The following FIG4 variants were observed in gnomAD, a reference collection of about 807,000 sequenced individuals.
FIG4 encodes the protein FIG4 phosphoinositide 5-phosphatase.
FIG4 carries 112 observed loss-of-function variants against 118.6 expected under a neutral mutation model. The ratio of observed to expected loss-of-function variants is 0.94; its 90% CI spans 0.81 to 1.11. FIG4 has a LOEUF of 1.11. Ranked by LOEUF, FIG4 falls within the 50% of genes least tolerant of loss-of-function variation. FIG4 has a pLI of 0.00. For missense variants in FIG4, 969 were observed against 1,111.7 expected (o/e 0.87, Z 1.83); for synonymous variants, 369 against 381.2 (o/e 0.97, Z 0.37).
chr6:109,822,827 A>ATATC, intron 22 of FIG4, among the ~76,000 whole-genome samples: 1 of 123,458 alleles, frequency 8.1e-6, no homozygotes, highest in Non-Finnish European at 1.7e-5. Context: ...ATATATATAT[A>ATATC]TCGCTTTCTT....
chr6:109,778,591 T>TTTTG (rs1268011672), intron 16 of FIG4, among the ~76,000 whole-genome samples: 1 of 152,074 alleles, frequency 6.6e-6, no homozygotes, highest in Non-Finnish European at 1.5e-5. Flanking sequence ...AGTTGTTTTT[T>TTTTG]TTTGTTTGTT....
At chr6:109,813,926 T>C (rs1308382480) in intron 22 of FIG4, among the ~76,000 whole-genome samples, 6 of 152,134 alleles carry the variant, frequency 3.9e-5, no homozygotes, top group Non-Finnish European at 8.8e-5. Flanking sequence ...GAGTTGACAG[T>C]AGCTGTAATC....
chr6:109,714,131 T>C (rs1313671787), intron 1 of FIG4, among the ~76,000 whole-genome samples: 4 of 152,162 alleles, frequency 2.6e-5, no homozygotes, highest in Non-Finnish European at 5.9e-5. Flanking sequence ...TCCTGCCAAC[T>C]CGAGTGTCTG....
chr6:109,818,229 T>G (rs887035694), intron 22 of FIG4, among the ~76,000 whole-genome samples: 2 of 152,034 alleles, frequency 1.3e-5, no homozygotes, highest in Non-Finnish European at 2.9e-5. Flanking sequence ...AGACAGAGTT[T>G]CGCTCTTGTT....
chr6:109,694,824 T>C (rs1024827342), intron 1 of FIG4, among the ~76,000 whole-genome samples: 2 of 152,104 alleles, frequency 1.3e-5, no homozygotes, highest in Admixed American at 6.6e-5. Context: ...GGCCAACAGG[T>C]ATATGAAAAA....
At chr6:109,749,840 G>T (rs1385645428) in intron 10 of FIG4, among the ~76,000 whole-genome samples, 1 of 152,076 alleles carries the variant, frequency 6.6e-6, no homozygotes, top group African/African-American at 2.4e-5. Context: ...AGTTGTACTT[G>T]TTTATTGTTC....
At chr6:109,747,601 A>G (rs949222787) in intron 10 of FIG4, among the ~76,000 whole-genome samples, 2 of 152,120 alleles carry the variant, frequency 1.3e-5, no homozygotes, top group Admixed American at 6.6e-5. Flanking sequence ...TTCCCCCAAT[A>G]GGAGTACCCA....
At chr6:109,790,969 A>G (rs1251835782) in intron 19 of FIG4, among the ~76,000 whole-genome samples, 1 of 152,210 alleles carries the variant, frequency 6.6e-6, no homozygotes, top group East Asian at 1.9e-4. Context: ...AGAAATATAC[A>G]TAGGTTTGGC....
chr6:109,735,325 A>C (rs2128385698), intron 6 of FIG4, 27 bp downstream of exon 6: 1 of 1,585,314 alleles, frequency 6.3e-7, no homozygotes, highest in Middle Eastern at 1.7e-4. Flanking sequence ...TATCTAATGT[A>C]TATTAATGTG....
intron 3 of FIG4, among the ~76,000 whole-genome samples, 164 bp downstream of exon 3, chr6:109,716,732 C>T (rs1009043138): frequency 6.6e-6 from 1 of 152,180 alleles, no homozygotes; most frequent in African/African-American, 2.4e-5. Flanking sequence ...TAGCAAACAG[C>T]GTTTCTGTAG....
At chr6:109,749,661 A>G (rs183964137) in intron 10 of FIG4, among the ~76,000 whole-genome samples, 1 of 149,806 alleles carries the variant, frequency 6.7e-6, no homozygotes, top group African/African-American at 2.4e-5. Flanking sequence ...GTGTGGTTGA[A>G]AAGCTGTCAT....
chr6:109,726,020 T>C (rs1775798012), intron 3 of FIG4, among the ~76,000 whole-genome samples: 1 of 152,222 alleles, frequency 6.6e-6, no homozygotes, highest in Admixed American at 6.5e-5. Flanking sequence ...GATGGATAGA[T>C]TGCAACAATC....
At chr6:109,740,181 G>T (rs1776281342) in intron 7 of FIG4, among the ~76,000 whole-genome samples, 1 of 152,134 alleles carries the variant, frequency 6.6e-6, no homozygotes, top group Non-Finnish European at 1.5e-5. Context: ...TCTAAAGGTA[G>T]TTCCTAAAAG....
chr6:109,750,189 G>A (rs942871049), intron 10 of FIG4, among the ~76,000 whole-genome samples: 8 of 152,154 alleles, frequency 5.3e-5, no homozygotes, highest in Admixed American at 5.2e-4. Context: ...AAAGTTTGAG[G>A]CACTGGTTGA....
At chr6:109,750,632 CTT>C (rs903889744) in intron 10 of FIG4, among the ~76,000 whole-genome samples, 1 of 152,004 alleles carries the variant, frequency 6.6e-6, no homozygotes, top group African/African-American at 2.4e-5. Context: ...GACCCTGTCT[CTT>C]TATAAAAAAA....
At chr6:109,795,862 A>G (rs1400040572) in intron 21 of FIG4, among the ~76,000 whole-genome samples, 2 of 152,048 alleles carry the variant, frequency 1.3e-5, no homozygotes, top group Non-Finnish European at 2.9e-5. Flanking sequence ...CGGCCTCCCA[A>G]AGTGCTGGGA....
At chr6:109,786,201 A>G (rs564819103) in intron 17 of FIG4, 101 bp from the exon 18 acceptor site, 18 of 1,039,748 alleles carry the variant, frequency 1.7e-5, no homozygotes, top group Non-Finnish European at 2.6e-5. Context: ...TATCCCCCAC[A>G]GAGCTTATCA....
At position 109,729,931 on chromosome 6, in the gene FIG4, A is replaced by G. The variant is rs1242264282; in HGVS notation, c.446+2666A>G. On this transcript the variant is annotated intron_variant, in intron 4 of 22. Coordinates refer to ENST00000230124, the MANE Select transcript of FIG4 (RefSeq NM_014845.6). ...ACAAAAGCTATCCAAAACCTTATGG[A>G]AAAAACTTCAAACATTATTAAAAGA... Among the ~76,000 whole-genome samples, 5 of 152,190 alleles carry G rather than the reference A, an allele frequency of 3.3e-5. No homozygotes were observed. The East Asian group carries it at 9.6e-4, about 29-fold the overall frequency.
At chr6:109,800,839 G>GA (rs1039199802) in intron 22 of FIG4, among the ~76,000 whole-genome samples, 1 of 151,714 alleles carries the variant, frequency 6.6e-6, no homozygotes, top group Non-Finnish European at 1.5e-5. Flanking sequence ...CTGAGAGAGA[G>GA]AAAAAAAATA....
Sources: allele counts gnomAD v4.1 joint callset (sites outside exome capture counted in the v4.1 genomes callset), GRCh38; gene constraint gnomAD v4.1.1; transcripts MANE v1.5; gene names NCBI Gene and HGNC (gene_info 2026-07-23, HGNC 2026-07-21).